The following KPNA3 variants were observed in gnomAD, a reference collection of about 807,000 sequenced individuals.
The protein encoded by KPNA3 is importin subunit alpha-4.
In KPNA3, 13 loss-of-function variants were observed where a neutral mutation model predicts 73.8. That is an observed-to-expected ratio of 0.18 (90% CI 0.11 to 0.28). The LOEUF (loss-of-function observed/expected upper bound fraction) is 0.28. Ranked by LOEUF, KPNA3 falls within the 10% of genes least tolerant of loss-of-function variation. The pLI, the probability that KPNA3 is intolerant of heterozygous loss-of-function variation, is 1.00. For missense variants in KPNA3, 360 were observed against 618.1 expected (o/e 0.58, Z 4.43); for synonymous variants, 186 against 206.9 (o/e 0.90, Z 0.87).
Position 49,699,521 on chromosome 13 carries a change from C to T in KPNA3, c.*2279G>A, listed in dbSNP as rs904038095. ...CAATATACTTAGTTTCCTTTATCTACGAAATGGTGCAATTCCAATTCAAAA... is the reference window on the plus strand; with the variant it reads ...CAATATACTTAGTTTCCTTTATCTATGAAATGGTGCAATTCCAATTCAAAA... On this transcript the variant is annotated 3_prime_UTR_variant, in exon 17 of 17. Transcript: ENST00000261667. 9.2e-5 allele frequency: 14 copies of T among 152,522 alleles called. No individual in the cohort carries two copies. The highest frequency in any genetic ancestry group is 1.3e-4 in the Non-Finnish European group (9 of 68,018). 9.4% of individuals were successfully genotyped at this position (152,522 alleles called of 1,614,324 possible).
At position 49,757,753 on chromosome 13, in the gene KPNA3, C is replaced by A. The variant is rs374291088; in HGVS notation, c.70-10760G>T. ...TTTACAACAGCTTTATTCTTAATAG[C>A]TACAACCTGGAAACAACCCAGGTAT... On this transcript the variant is annotated intron_variant, in intron 1 of 16. Transcript: ENST00000261667. Among the ~76,000 whole-genome samples, 19 of 152,234 alleles carry A rather than the reference C, an allele frequency of 1.2e-4. No individual in the cohort carries two copies. The East Asian group carries it at 2.9e-3, about 23-fold the overall frequency.
chr13:49,722,807 A>G (rs1954371966), intron 7 of KPNA3, among the ~76,000 whole-genome samples: 1 of 146,590 alleles, frequency 6.8e-6, no homozygotes, highest in Non-Finnish European at 1.5e-5. Context: ...AAGCAACAGC[A>G]TGAAATCCTT....
intron 1 of KPNA3, among the ~76,000 whole-genome samples, chr13:49,785,407 T>C (rs948125633): frequency 1.3e-5 from 2 of 152,132 alleles, no homozygotes; most frequent in African/African-American, 2.4e-5. Context: ...AAGTTTCAAA[T>C]TCAGGTCACA....
chr13:49,753,749 C>T (rs1043707371), intron 1 of KPNA3, among the ~76,000 whole-genome samples: 3 of 152,130 alleles, frequency 2.0e-5, no homozygotes, highest in African/African-American at 7.2e-5. Flanking sequence ...GAACTGAGCA[C>T]GTGAGGGATC....
chr13:49,739,040 T>C (rs1169331326), intron 2 of KPNA3, among the ~76,000 whole-genome samples: 3 of 152,198 alleles, frequency 2.0e-5, no homozygotes, highest in East Asian at 1.9e-4. Context: ...GTAACTGATA[T>C]GATCATATTT....
At chr13:49,735,622 A>C (rs1954515204) in intron 2 of KPNA3, among the ~76,000 whole-genome samples, 1 of 152,196 alleles carries the variant, frequency 6.6e-6, no homozygotes, top group South Asian at 2.1e-4. Flanking sequence ...GTCAGGTGAG[A>C]AAGCAGCTCA....
chr13:49,780,719 CT>C (rs11352434), intron 1 of KPNA3, among the ~76,000 whole-genome samples: 103,413 of 130,548 alleles, frequency 0.79, 41,104 homozygotes, highest in East Asian at 0.9. Flanking sequence ...AAAAATATTT[CT>C]TTTTTTTTTT....
chr13:49,728,161 G>A (rs1159109366), intron 6 of KPNA3, among the ~76,000 whole-genome samples: 1 of 151,882 alleles, frequency 6.6e-6, no homozygotes, highest in Non-Finnish European at 1.5e-5. Context: ...TGTGAACCCA[G>A]GAGGCGGAGC....
At chr13:49,729,131 A>G (rs2137550821) in intron 6 of KPNA3, among the ~76,000 whole-genome samples, 1 of 152,314 alleles carries the variant, frequency 6.6e-6, no homozygotes, top group South Asian at 2.1e-4. Flanking sequence ...TATATTTATT[A>G]TCTTTCATAT....
chr13:49,762,492 T>C (rs1261294070), intron 1 of KPNA3, among the ~76,000 whole-genome samples: 3 of 152,166 alleles, frequency 2.0e-5, no homozygotes, highest in East Asian at 1.9e-4. Context: ...GAAGTAGACA[T>C]AGGAGACTCC....
intron 3 of KPNA3, 89 bp from the exon 4 acceptor site, chr13:49,732,865 A>G: frequency 7.7e-7 from 1 of 1,304,050 alleles, no homozygotes. Context: ...TACTTTCATT[A>G]TCATTATAAA....
intron 9 of KPNA3, among the ~76,000 whole-genome samples, chr13:49,721,491 T>G (rs1042650197): frequency 6.6e-6 from 1 of 152,160 alleles, no homozygotes; most frequent in Non-Finnish European, 1.5e-5. Context: ...TTTTATTTCA[T>G]AGGAGTAATT....
chr13:49,744,227 GAA>G (rs66875139), intron 2 of KPNA3, among the ~76,000 whole-genome samples: 31,235 of 151,778 alleles, frequency 0.21, 3,558 homozygotes, highest in Middle Eastern at 0.27. Flanking sequence ...ATGTGAAAAA[GAA>G]AAAAAGTTTA....
chr13:49,734,063 C>T (rs191617415), intron 2 of KPNA3, among the ~76,000 whole-genome samples: 13 of 152,314 alleles, frequency 8.5e-5, no homozygotes, highest in African/African-American at 2.6e-4. Flanking sequence ...AGATGATGCA[C>T]TCATGTTTTT....
chr13:49,787,230 T>C (rs1350632725), intron 1 of KPNA3, among the ~76,000 whole-genome samples: 1 of 152,208 alleles, frequency 6.6e-6, no homozygotes, highest in African/African-American at 2.4e-5. Flanking sequence ...ATACGGATTA[T>C]CATTTTTTGG....
chr13:49,701,886 G>T lies in KPNA3; in HGVS notation c.1480C>A (p.Pro494Thr), dbSNP rs1566329545. 2 of 1,609,928 alleles carry T rather than the reference G, an allele frequency of 1.2e-6. No homozygotes were observed. Among genetic ancestry groups the T allele is most frequent in the Non-Finnish European group, 1.7e-6 (2 of 1,176,318 alleles). ...TGTGTTGCTTCAGGAATGAGGCAGGGATCTTCATCAATCTGTAAAAAACAA... is the reference window on the plus strand; with the variant it reads ...TGTGTTGCTTCAGGAATGAGGCAGGTATCTTCATCAATCTGTAAAAAACAA... ...YFSGDDIDED[P>T]CLIPEATQGG... The change falls in exon 17 of 17, where the codon CCC becomes ACC. Residue 494 changes from proline (P) to threonine (T), a missense_variant. Transcript: ENST00000261667.
chr13:49,781,305 G>C (rs1021378181), intron 1 of KPNA3, among the ~76,000 whole-genome samples: 2 of 152,126 alleles, frequency 1.3e-5, no homozygotes, highest in Admixed American at 6.6e-5. Flanking sequence ...AGGTAGAGTA[G>C]GAAAATGGCT....
chr13:49,709,535 G>A, intron 12 of KPNA3, 37 bp downstream of exon 12: 1 of 1,527,482 alleles, frequency 6.5e-7, no homozygotes, highest in East Asian at 2.4e-5. Flanking sequence ...ATGAGACACA[G>A]AAAGAAATAG....
intron 6 of KPNA3, among the ~76,000 whole-genome samples, chr13:49,726,769 C>A (rs1392191963): frequency 6.6e-6 from 1 of 151,406 alleles, no homozygotes; most frequent in Non-Finnish European, 1.5e-5. Context: ...ACGGTGAGAC[C>A]CCATTTTTAC....
Sources: gnomAD v4.1 joint callset for allele counts (sites outside exome capture counted in the v4.1 genomes callset) on GRCh38, gnomAD v4.1.1 for gene constraint, MANE v1.5 for transcripts, NCBI Gene and HGNC (gene_info 2026-07-23, HGNC 2026-07-21) for gene names.